The following HCN1 variants were observed in gnomAD, a reference collection of about 807,000 sequenced individuals.
HCN1 encodes potassium/sodium hyperpolarization-activated cyclic nucleotide-gated channel 1.
A neutral mutation model predicts 78.9 loss-of-function variants in HCN1; 13 were observed. The observed-to-expected ratio is 0.16, with a 90% CI of 0.11 to 0.26. The LOEUF is 0.26. Among genes scored for constraint, HCN1 ranks in the 10% least tolerant of loss-of-function variants. HCN1 has a pLI of 1.00. For missense variants in HCN1, 810 were observed against 1,154.3 expected (o/e 0.70, Z 4.32); for synonymous variants, 552 against 455.5 (o/e 1.21, Z -2.70).
intron 2 of HCN1, among the ~76,000 whole-genome samples, chr5:45,593,291 T>TTCTC (rs372080697): frequency 0.021 from 2,662 of 124,014 alleles, 20 homozygotes; most frequent in African/African-American, 0.026. Flanking sequence ...TAGAGGTATA[T>TTCTC]TCTCTCTCTC....
intron 5 of HCN1, among the ~76,000 whole-genome samples, chr5:45,331,986 C>T (rs1746353908): frequency 6.6e-6 from 1 of 151,446 alleles, no homozygotes; most frequent in Non-Finnish European, 1.5e-5. Flanking sequence ...TATAAGTCAA[C>T]TGGGGGGATA....
intron 4 of HCN1, among the ~76,000 whole-genome samples, chr5:45,379,633 A>G (rs1747763848): frequency 6.6e-6 from 1 of 152,120 alleles, no homozygotes; most frequent in Non-Finnish European, 1.5e-5. Flanking sequence ...GCTTAAGAAT[A>G]CAAATAAAAC....
chr5:45,525,643 T>A (rs1266528158), intron 2 of HCN1, among the ~76,000 whole-genome samples: 1 of 152,012 alleles, frequency 6.6e-6, no homozygotes, highest in African/African-American at 2.4e-5. Context: ...CAAGTAAACA[T>A]TATTGCTCCA....
At chr5:45,389,897 G>T (rs1748004324) in intron 4 of HCN1, among the ~76,000 whole-genome samples, 1 of 152,066 alleles carries the variant, frequency 6.6e-6, no homozygotes, top group African/African-American at 2.4e-5. Context: ...ACTTACCATT[G>T]CTAAGTTTTT....
chr5:45,543,168 T>C (rs1174292259), intron 2 of HCN1, among the ~76,000 whole-genome samples: 2 of 152,112 alleles, frequency 1.3e-5, no homozygotes. Flanking sequence ...ATAATGATTG[T>C]TGCTTCAATG....
intron 3 of HCN1, among the ~76,000 whole-genome samples, chr5:45,449,709 A>G (rs962874856): frequency 1.3e-5 from 2 of 151,950 alleles, no homozygotes; most frequent in Admixed American, 1.3e-4. Flanking sequence ...AGTTAGGTCA[A>G]TTTCTTTCTT....
At chr5:45,369,097 G>T (rs1747296486) in intron 4 of HCN1, among the ~76,000 whole-genome samples, 1 of 150,196 alleles carries the variant, frequency 6.7e-6, no homozygotes. Context: ...TTTTTCATGT[G>T]GCTTTTTTTT....
intron 2 of HCN1, among the ~76,000 whole-genome samples, chr5:45,581,309 T>C (rs1339678492): frequency 6.6e-6 from 1 of 151,656 alleles, no homozygotes; most frequent in East Asian, 1.9e-4. Context: ...CATTTGTTCA[T>C]GTGTCTTTCG....
Position 45,420,482 on chromosome 5 carries a change from C to T in HCN1, c.1012-23772G>A, listed in dbSNP as rs546421998. On this transcript the variant is annotated intron_variant, in intron 3 of 7. Transcript: ENST00000303230. Reference sequence around the variant, plus strand: ...ATGTGTGCTTTTTCTGCCCTCTGTCCTTCCTATTCTTTCCTGAAATTTGGG... The same window carrying T: ...ATGTGTGCTTTTTCTGCCCTCTGTCTTTCCTATTCTTTCCTGAAATTTGGG... 1.2e-3 allele frequency among the ~76,000 whole-genome samples: 187 copies of T among 152,182 alleles called. 1 individual carries two copies. The highest frequency in any genetic ancestry group is 4.4e-3 in the African/African-American group (182 of 41,526).
At chr5:45,343,158 G>A (rs772624347) in intron 5 of HCN1, among the ~76,000 whole-genome samples, 8 of 152,156 alleles carry the variant, frequency 5.3e-5, no homozygotes, top group Non-Finnish European at 1.2e-4. Flanking sequence ...TTTGTTGTAG[G>A]CCACTTTGCA....
chr5:45,504,616 G>A (rs2111741909), intron 2 of HCN1, among the ~76,000 whole-genome samples: 1 of 152,266 alleles, frequency 6.6e-6, no homozygotes, highest in Non-Finnish European at 1.5e-5. Context: ...TATATACCCA[G>A]TAATGGGATG....
At chr5:45,430,204 A>G (rs1740433624) in intron 3 of HCN1, among the ~76,000 whole-genome samples, 1 of 152,196 alleles carries the variant, frequency 6.6e-6, no homozygotes, top group Non-Finnish European at 1.5e-5. Context: ...GGTAACACTG[A>G]CATGACTAAA....
intron 6 of HCN1, among the ~76,000 whole-genome samples, chr5:45,279,681 C>T (rs769679874): frequency 6.6e-6 from 1 of 152,024 alleles, no homozygotes; most frequent in Non-Finnish European, 1.5e-5. Context: ...CAACTGATAG[C>T]TTGTTTCACT....
chr5:45,321,254 C>A (rs1047532720), intron 5 of HCN1, among the ~76,000 whole-genome samples: 20 of 151,940 alleles, frequency 1.3e-4, no homozygotes, highest in African/African-American at 4.3e-4. Context: ...ATTAAGCCCC[C>A]ATTTTGAGCT....
At chr5:45,620,534 AC>A (rs1455895052) in intron 2 of HCN1, among the ~76,000 whole-genome samples, 1 of 151,828 alleles carries the variant, frequency 6.6e-6, no homozygotes, top group African/African-American at 2.4e-5. Flanking sequence ...GCATTATGGA[AC>A]TAAACTATGT....
intron 2 of HCN1, 161 bp downstream of exon 2, chr5:45,645,024 G>C (rs182495612): frequency 3.5e-6 from 2 of 571,038 alleles, no homozygotes; most frequent in Non-Finnish European, 6.1e-6. Flanking sequence ...TATATTTTAG[G>C]GATACAAATA....
chr5:45,257,774 T>A lies in HCN1; in HGVS notation c.*4147A>T, dbSNP rs1225973443. 2.0e-5 allele frequency: 3 copies of A among 152,204 alleles called. No individual in the cohort carries two copies. Among genetic ancestry groups the A allele is most frequent in the Admixed American group, 2.0e-4 (3 of 15,282 alleles). 9.4% of individuals were successfully genotyped at this position (152,204 alleles called of 1,614,324 possible). Reference sequence around the variant, plus strand: ...TCAAAGAAAATTTCTATCCTATTTTTCCTTGAAAATAACCATATTGAATAC... The same window carrying A: ...TCAAAGAAAATTTCTATCCTATTTTACCTTGAAAATAACCATATTGAATAC... On this transcript the variant is annotated 3_prime_UTR_variant, in exon 8 of 8. Coordinates refer to ENST00000303230, the MANE Select transcript of HCN1 (RefSeq NM_021072.4).
At chr5:45,371,794 T>C (rs1747368716) in intron 4 of HCN1, among the ~76,000 whole-genome samples, 4 of 139,284 alleles carry the variant, frequency 2.9e-5, no homozygotes, top group Admixed American at 2.4e-4. Context: ...CACACACACA[T>C]ACACACACAA....
intron 1 of HCN1, among the ~76,000 whole-genome samples, chr5:45,675,177 G>A (rs1746242253): frequency 6.6e-6 from 1 of 151,608 alleles, no homozygotes; most frequent in Non-Finnish European, 1.5e-5. Flanking sequence ...ATAATGTGTA[G>A]AACCCATCTT....
Sources: gnomAD v4.1 joint callset for allele counts (sites outside exome capture counted in the v4.1 genomes callset) on GRCh38, gnomAD v4.1.1 for gene constraint, MANE v1.5 for transcripts, NCBI Gene and HGNC (gene_info 2026-07-23, HGNC 2026-07-21) for gene names.